NCAM1: variants seen among roughly 807,000 people sequenced by gnomAD.
NCAM1 encodes antigen recognized by monoclonal antibody 5.1H11.
In NCAM1, 14 loss-of-function variants were observed where a neutral mutation model predicts 109.8. The observed-to-expected ratio is 0.13, with a 90% CI of 0.08 to 0.20. NCAM1 has a LOEUF of 0.20. Ranked by LOEUF, NCAM1 falls within the 10% of genes least tolerant of loss-of-function variation. The pLI, the probability that NCAM1 is intolerant of heterozygous loss-of-function variation, is 1.00. For synonymous variants in NCAM1, 418 were observed against 442.9 expected (o/e 0.94, Z 0.70); for missense variants, 774 against 1,109.9 (o/e 0.70, Z 4.30).
intron 1 of NCAM1, among the ~76,000 whole-genome samples, chr11:113,172,804 A>G (rs886860429): frequency 6.6e-6 from 1 of 151,970 alleles, no homozygotes; most frequent in Non-Finnish European, 1.5e-5. Context: ...TAAGTGCTGC[A>G]TTGTCTATTT....
chr11:113,120,133 C>G (rs1206393505), intron 1 of NCAM1, among the ~76,000 whole-genome samples: 43 of 152,170 alleles, frequency 2.8e-4, no homozygotes, highest in African/African-American at 9.9e-4. Flanking sequence ...GGAAAATTTA[C>G]TGGTTTATGA....
intron 9 of NCAM1, among the ~76,000 whole-genome samples, chr11:113,227,134 A>C (rs1944875960): frequency 6.6e-6 from 1 of 152,166 alleles, no homozygotes; most frequent in South Asian, 2.1e-4. Context: ...AAATCAATGA[A>C]TCCAGGAGCT....
At position 113,134,102 on chromosome 11, in the gene NCAM1, A is replaced by G. The variant is rs367740399; in HGVS notation, c.53-68277A>G. ...GATCTCCAGAAGTTTTTCATCTTGT[A>G]AAACTGCAAGTCTATACCCATTAAA... On this transcript the variant is annotated intron_variant, in intron 1 of 19. Transcript: ENST00000316851. Among the ~76,000 whole-genome samples, 187 of 152,292 alleles carry G rather than the reference A, an allele frequency of 1.2e-3. 2 individuals carry two copies. The South Asian group carries it at 0.038, about 31-fold the overall frequency.
intron 1 of NCAM1, among the ~76,000 whole-genome samples, chr11:112,986,430 G>T (rs1951306872): frequency 6.6e-6 from 1 of 152,004 alleles, no homozygotes; most frequent in Non-Finnish European, 1.5e-5. Flanking sequence ...TTAGTAAAAT[G>T]AGTTTGGAAG....
At chr11:113,171,967 A>G (rs1943009865) in intron 1 of NCAM1, among the ~76,000 whole-genome samples, 1 of 152,196 alleles carries the variant, frequency 6.6e-6, no homozygotes, top group Non-Finnish European at 1.5e-5. Context: ...ACACACTTGG[A>G]GATCAGAGTT....
At chr11:112,984,942 C>T (rs1344743785) in intron 1 of NCAM1, among the ~76,000 whole-genome samples, 1 of 125,798 alleles carries the variant, frequency 7.9e-6, no homozygotes, top group Non-Finnish European at 1.7e-5. Context: ...GTTGCCTGCA[C>T]TATCCTATTT....
chr11:113,189,305 C>A (rs565840768), intron 1 of NCAM1, among the ~76,000 whole-genome samples: 1 of 152,032 alleles, frequency 6.6e-6, no homozygotes, highest in Admixed American at 6.5e-5. Flanking sequence ...CAAAAATTAG[C>A]CAGGCATGGT....
At chr11:113,177,064 A>G (rs1239447151) in intron 1 of NCAM1, among the ~76,000 whole-genome samples, 2 of 152,164 alleles carry the variant, frequency 1.3e-5, no homozygotes, top group East Asian at 1.9e-4. Flanking sequence ...TTGCCTGACA[A>G]TGTGGCAGGG....
chr11:112,969,779 T>C (rs1950826042), intron 1 of NCAM1, among the ~76,000 whole-genome samples: 1 of 152,198 alleles, frequency 6.6e-6, no homozygotes, highest in South Asian at 2.1e-4. Flanking sequence ...TGCTAGAGGC[T>C]TAGAGGAAAA....
intron 2 of NCAM1, among the ~76,000 whole-genome samples, chr11:113,203,967 T>G (rs1050385802): frequency 6.6e-6 from 1 of 152,236 alleles, no homozygotes; most frequent in Non-Finnish European, 1.5e-5. Context: ...GTTCCTAGCT[T>G]AGTGCCCAGC....
At chr11:113,022,268 T>A (rs1182511894) in intron 1 of NCAM1, among the ~76,000 whole-genome samples, 2 of 152,232 alleles carry the variant, frequency 1.3e-5, no homozygotes, top group Non-Finnish European at 2.9e-5. Context: ...TTCTCAGAGA[T>A]AAATGTTTTG....
Position 113,067,960 on chromosome 11 carries a change from A to G in NCAM1, c.52+106296A>G, listed in dbSNP as rs797027110. Among the ~76,000 whole-genome samples the G allele has an allele frequency of 1.5e-4, 21 of 140,080 alleles. No individual in the cohort carries two copies. In the South Asian group the frequency reaches 2.0e-3, roughly 13 times the overall value. The allele number at this position is 140,080 out of a possible 152,430, so 91.9% of individuals were successfully genotyped here. On this transcript the variant is annotated intron_variant, in intron 1 of 19. Transcript: ENST00000316851. ...GAGTCTCGCTCTGTCACCCAGGCTGAAGTGCAGTGGCGCAATCTCGGCTCA... is the reference window on the plus strand; with the variant it reads ...GAGTCTCGCTCTGTCACCCAGGCTGGAGTGCAGTGGCGCAATCTCGGCTCA...
chr11:113,078,379 C>T (rs1591306473), intron 1 of NCAM1, among the ~76,000 whole-genome samples: 1 of 150,832 alleles, frequency 6.6e-6, no homozygotes, highest in Admixed American at 6.6e-5. Context: ...CTGCAAAGAC[C>T]CTTTTGTTTT....
intron 1 of NCAM1, among the ~76,000 whole-genome samples, chr11:112,978,911 A>G (rs1951076532): frequency 6.6e-6 from 1 of 151,870 alleles, no homozygotes; most frequent in African/African-American, 2.4e-5. Context: ...AAAAGGTTTC[A>G]TACAGGTTTC....
chr11:113,087,087 C>T (rs1939125330), intron 1 of NCAM1, among the ~76,000 whole-genome samples: 1 of 152,186 alleles, frequency 6.6e-6, no homozygotes, highest in East Asian at 1.9e-4. Flanking sequence ...TAGACAAATG[C>T]AAATTTTAAC....
At chr11:113,048,110 T>C (rs1419196586) in intron 1 of NCAM1, among the ~76,000 whole-genome samples, 1 of 152,168 alleles carries the variant, frequency 6.6e-6, no homozygotes, top group Non-Finnish European at 1.5e-5. Flanking sequence ...TGACTGCTGC[T>C]GAGACTTAAA....
At chr11:113,067,307 T>TA (rs1357076662) in intron 1 of NCAM1, among the ~76,000 whole-genome samples, 1 of 152,226 alleles carries the variant, frequency 6.6e-6, no homozygotes, top group Non-Finnish European at 1.5e-5. Context: ...TCATGTGCTT[T>TA]ACTGGAAGCC....
intron 3 of NCAM1, 46 bp from the exon 4 acceptor site, chr11:113,205,477 G>A: frequency 6.3e-7 from 1 of 1,580,226 alleles, no homozygotes; most frequent in Non-Finnish European, 8.6e-7. Flanking sequence ...GGGGTTCTTT[G>A]TGAGAGAAGC....
intron 1 of NCAM1, among the ~76,000 whole-genome samples, chr11:113,000,617 C>A (rs1412613305): frequency 5.3e-5 from 8 of 151,614 alleles, no homozygotes; most frequent in Non-Finnish European, 1.0e-4. Context: ...AATATAGCCT[C>A]CTAAGGTACA....
Sources: gnomAD v4.1 joint callset for allele counts (sites outside exome capture counted in the v4.1 genomes callset) on GRCh38, gnomAD v4.1.1 for gene constraint, MANE v1.5 for transcripts, NCBI Gene and HGNC (gene_info 2026-07-23, HGNC 2026-07-21) for gene names.